CADPS: variants seen among roughly 807,000 people sequenced by gnomAD.
CADPS encodes the protein calcium-dependent secretion activator 1.
In CADPS, 57 loss-of-function variants were observed where a neutral mutation model predicts 167.3. The observed-to-expected ratio is 0.34, with a 90% CI of 0.28 to 0.42. The LOEUF is 0.42. Ranked by LOEUF, CADPS falls within the 20% of genes least tolerant of loss-of-function variation. CADPS has a pLI of 1.00. For missense variants in CADPS, 1,414 were observed against 1,738.1 expected (o/e 0.81, Z 3.32); for synonymous variants, 676 against 635.3 (o/e 1.06, Z -0.96).
chr3:62,639,749 C>T (rs758415124), intron 6 of CADPS, among the ~76,000 whole-genome samples: 2 of 152,132 alleles, frequency 1.3e-5, no homozygotes, highest in Non-Finnish European at 2.9e-5. Flanking sequence ...AAACCCTTTG[C>T]GTGGCCCCTA....
chr3:62,652,764 C>A (rs929014077), intron 4 of CADPS, among the ~76,000 whole-genome samples: 10 of 152,164 alleles, frequency 6.6e-5, no homozygotes, highest in African/African-American at 2.4e-4. Context: ...TCTAGAGTTA[C>A]AGAAAGGAAC....
intron 1 of CADPS, among the ~76,000 whole-genome samples, chr3:62,810,016 T>C (rs2094318637): frequency 6.6e-6 from 1 of 152,194 alleles, no homozygotes; most frequent in South Asian, 2.1e-4. Context: ...CACACTGGCC[T>C]GCATATTTTC....
intron 8 of CADPS, among the ~76,000 whole-genome samples, chr3:62,576,439 G>A (rs1008022145): frequency 2.0e-5 from 3 of 152,038 alleles, no homozygotes; most frequent in Non-Finnish European, 4.4e-5. Flanking sequence ...TCACTGGCAC[G>A]TGGTAAGGGC....
chr3:62,585,146 C>T (rs569256905), intron 8 of CADPS, 39 bp downstream of exon 8: 18 of 1,599,306 alleles, frequency 1.1e-5, no homozygotes, highest in Middle Eastern at 1.7e-4. Context: ...AATGAACAGA[C>T]GTGTGTCCAA....
chr3:62,664,862 GCT>G (rs1308184212), intron 3 of CADPS, among the ~76,000 whole-genome samples: 2 of 152,202 alleles, frequency 1.3e-5, no homozygotes, highest in Admixed American at 6.5e-5. Context: ...AGCAGAAAAT[GCT>G]GGCAATGAAG....
chr3:62,547,323 T>A (rs377573000), intron 11 of CADPS, among the ~76,000 whole-genome samples: 1 of 152,192 alleles, frequency 6.6e-6, no homozygotes. Flanking sequence ...GCCATTCATA[T>A]TTTTGTGTAT....
intron 3 of CADPS, among the ~76,000 whole-genome samples, chr3:62,724,803 A>C (rs1292940287): frequency 2.6e-5 from 4 of 152,236 alleles, no homozygotes; most frequent in Non-Finnish European, 4.4e-5. Context: ...AGCTTCCGAA[A>C]AAGACAAATC....
intron 21 of CADPS, among the ~76,000 whole-genome samples, chr3:62,487,442 C>T (rs542759281): frequency 2.0e-5 from 3 of 152,312 alleles, no homozygotes; most frequent in Admixed American, 6.5e-5. Context: ...GACCCTACTA[C>T]ATGTCCTGAT....
chr3:62,625,511 A>G (rs1430561911), intron 6 of CADPS: 2 of 150,630 alleles, frequency 1.3e-5, no homozygotes. Context: ...CCCAGTGTTT[A>G]TCCTATCCCT....
At chr3:62,580,207 C>A (rs1468905755) in intron 8 of CADPS, among the ~76,000 whole-genome samples, 4 of 152,092 alleles carry the variant, frequency 2.6e-5, no homozygotes, top group Non-Finnish European at 4.4e-5. Context: ...CAATGATAGA[C>A]TGGATTAAGA....
chr3:62,767,134 T>TA (rs1367637210), intron 1 of CADPS, among the ~76,000 whole-genome samples: 1 of 152,178 alleles, frequency 6.6e-6, no homozygotes, highest in South Asian at 2.1e-4. Flanking sequence ...ACTTTTAACT[T>TA]AAAAAAGTTA....
At chr3:62,597,522 G>A (rs1256920122) in intron 6 of CADPS, among the ~76,000 whole-genome samples, 3 of 152,178 alleles carry the variant, frequency 2.0e-5, no homozygotes, top group Admixed American at 6.5e-5. Flanking sequence ...CCCACTGTAT[G>A]TTTCCATGCT....
rs568230292 is a variant in CADPS, at chr3:62,489,170, T to A, written c.3026+2169A>T. Among the ~76,000 whole-genome samples, 162 of 150,404 alleles carry A rather than the reference T, an allele frequency of 1.1e-3. 1 individual carries two copies. Among genetic ancestry groups the A allele is most frequent in the African/African-American group, 3.0e-3 (121 of 40,036 alleles). ...AGTCATGTGTTAAACTTTTATTATT[T>A]TTTTTTTTGAGACGGCATCTCGGTC... On this transcript the variant is annotated intron_variant, in intron 21 of 29. Transcript: ENST00000383710.
Position 62,822,418 on chromosome 3 carries a change from G to C in CADPS, c.441+52171C>G, listed in dbSNP as rs187011484. ...TCACAGCTGGTGTCTTGAGCACCAG[G>C]CATGAGGCAGAGTAGGCACCTGAAT... On this transcript the variant is annotated intron_variant, in intron 1 of 29. Transcript: ENST00000383710. Among the ~76,000 whole-genome samples the C allele has an allele frequency of 8.5e-5, 13 of 152,260 alleles. No individual in the cohort carries two copies. In the East Asian group the frequency reaches 2.5e-3, roughly 29 times the overall value.
At chr3:62,819,075 G>A (rs1412057356) in intron 1 of CADPS, among the ~76,000 whole-genome samples, 1 of 152,116 alleles carries the variant, frequency 6.6e-6, no homozygotes, top group Non-Finnish European at 1.5e-5. Context: ...GAACTTTCTA[G>A]AGTGATGAAA....
chr3:62,626,358 G>A, intron 6 of CADPS: 1 of 483,310 alleles, frequency 2.1e-6, no homozygotes, highest in Non-Finnish European at 3.6e-6. Flanking sequence ...AAACAGAAAA[G>A]AAACCATGGA....
intron 1 of CADPS, among the ~76,000 whole-genome samples, chr3:62,837,803 T>A (rs189020535): frequency 3.3e-5 from 5 of 152,324 alleles, no homozygotes; most frequent in Admixed American, 2.6e-4. Context: ...GATTTACCCA[T>A]TCTGATTGTT....
chr3:62,781,764 G>A (rs984311980), intron 1 of CADPS, among the ~76,000 whole-genome samples: 1 of 152,038 alleles, frequency 6.6e-6, no homozygotes, highest in Non-Finnish European at 1.5e-5. Flanking sequence ...AGATGGTAGG[G>A]GAGATACAAA....
chr3:62,482,962 A>G (rs1046769545), intron 21 of CADPS, among the ~76,000 whole-genome samples: 1 of 152,172 alleles, frequency 6.6e-6, no homozygotes, highest in African/African-American at 2.4e-5. Flanking sequence ...AAAATAAAAC[A>G]AAACAAAACC....
Sources: gnomAD v4.1 joint callset for allele counts (sites outside exome capture counted in the v4.1 genomes callset) on GRCh38, gnomAD v4.1.1 for gene constraint, MANE v1.5 for transcripts, NCBI Gene and HGNC (gene_info 2026-07-23, HGNC 2026-07-21) for gene names.